Variants in EPHX3 observed in about 807,000 individuals in gnomAD.
EPHX3 encodes the protein abhydrolase domain containing 9.
A neutral mutation model predicts 40.2 loss-of-function variants in EPHX3; 39 were observed. That is an observed-to-expected ratio of 0.97 (90% CI 0.75 to 1.27). The LOEUF (loss-of-function observed/expected upper bound fraction) is 1.27. Ranked by LOEUF, EPHX3 falls within the 50% of genes most tolerant of loss-of-function variation. EPHX3 has a pLI of 0.00. For synonymous variants in EPHX3, 213 were observed against 209.7 expected, an observed-to-expected ratio of 1.02 and a Z score of -0.14; for missense variants, 442 against 474.0, an observed-to-expected ratio of 0.93 and a Z score of 0.63.
Position 15,227,092 on chromosome 19 carries a change from G to T in EPHX3, c.*345C>A. On this transcript the variant is annotated 3_prime_UTR_variant, in exon 7 of 7. Coordinates refer to ENST00000221730, the MANE Select transcript of EPHX3 (RefSeq NM_024794.3). The stretch of plus-strand genomic sequence containing the variant: ...AGGGTTTAAGGTCTGTGCAGCTATG[G>T]CAGAGAAGCGACTTTGGCAAAGCGC... The T allele has an allele frequency of 2.9e-6, 1 of 348,968 alleles. No individual in the cohort carries two copies. The highest frequency in any genetic ancestry group is 3.2e-5 in the South Asian group (1 of 31,100). The allele number at this position is 348,968 out of a possible 1,614,324, so 21.6% of individuals were successfully genotyped here. A position where few individuals can be genotyped will look rare whatever the true frequency, so the allele number is the denominator to read the frequency against.
In EPHX3 at chr19:15,227,635, C is replaced by T. The variant is rs200103307; in HGVS notation, c.885G>A (p.Leu295=). 3.7e-6 allele frequency: 6 copies of T among 1,614,078 alleles called. No individual in the cohort carries two copies. The highest frequency in any genetic ancestry group is 2.2e-5 in the South Asian group (2 of 91,072). The change falls in exon 7 of 7, where the codon CTG becomes CTA. Residue 295 remains leucine, a synonymous_variant. Transcript: ENST00000221730. ...CCCACAGCAGCAATGTGGGTGTGGT[C>T]AGCTCCTGGGGTTCCAGGGGGAAGT... ...FRNFPLEPQE[L]TTPTLLLWGE...
chr19:15,230,922 C>G (rs2047148414), intron 4 of EPHX3, 40 bp downstream of exon 4: 5 of 1,606,908 alleles, frequency 3.1e-6, no homozygotes, highest in Non-Finnish European at 4.3e-6. Context: ...TGCCCCCTTG[C>G]ACATAAGTAC....
Position 15,232,083 on chromosome 19 carries a change from C to G in EPHX3, c.129G>C (p.Ala43=), listed in dbSNP as rs201751885. 1.3e-6 allele frequency: 2 copies of G among 1,564,520 alleles called. No individual in the cohort carries two copies. The highest frequency in any genetic ancestry group is 1.3e-5 in the African/African-American group (1 of 74,450). The change falls in exon 1 of 7, where the codon GCG becomes GCC. Residue 43 remains alanine (A), a synonymous_variant. Transcript: ENST00000221730. The part of the protein sequence containing the change: ...LVAAAVYGCI[A]LTHVLCRPRR... ...GGGGCCGGCACAGCACGTGCGTGAGCGCTATGCAGCCGTAGACCGCCGCGG... is the reference window on the plus strand; with the variant it reads ...GGGGCCGGCACAGCACGTGCGTGAGGGCTATGCAGCCGTAGACCGCCGCGG...
rs371241833 is a variant in EPHX3 at position 15,232,000 on chromosome 19, G to T, written c.212C>A (p.Ser71Ter). The T allele has an allele frequency of 7.5e-6, 12 of 1,608,046 alleles. No homozygotes were observed. Among genetic ancestry groups the T allele is most frequent in the South Asian group, 1.1e-5 (1 of 90,978 alleles). Reference protein sequence around the residue: ...SASPACLSDPSLGEHGFLNLK... With the variant: ...SASPACLSDP ...GTTCAGGAAACCGTGCTCACCCAGC[G>T]AGGGGTCGCTCAGGCAGGCGGGGGA... Residue 71 changes from serine to a stop codon, truncating the protein, a stop_gained, in exon 1 of 7, where the codon TCG (serine) becomes TAG (stop). Coordinates refer to ENST00000221730, the MANE Select transcript of EPHX3 (RefSeq NM_024794.3). LOFTEE classifies it high-confidence loss of function.
rs529177714 is a variant in EPHX3, at chr19:15,232,013, G to A, written c.199C>T (p.Leu67=). 2 of 1,602,404 alleles carry A rather than the reference G, an allele frequency of 1.2e-6. No individual in the cohort carries two copies. Among genetic ancestry groups the A allele is most frequent in the African/African-American group, 2.7e-5 (2 of 74,994 alleles). The change falls in exon 1 of 7, where the codon CTG becomes TTG. Residue 67 remains leucine (L), a synonymous_variant. Transcript: ENST00000221730. Reference sequence around the variant, plus strand: ...TGCTCACCCAGCGAGGGGTCGCTCAGGCAGGCGGGGGACGCGCTCCGACGG... The same window carrying A: ...TGCTCACCCAGCGAGGGGTCGCTCAAGCAGGCGGGGGACGCGCTCCGACGG... The part of the protein sequence containing the change: ...GRRRSASPAC[L]SDPSLGEHGF...
At chr19:15,233,297 G>A (rs2047168196), upstream of EPHX3, 1 of 152,512 alleles carries the variant, frequency 6.6e-6, no homozygotes. Context: ...CGGTATTAGC[G>A]GCTGGAGGAG....
At chr19:15,230,935 C>A (rs758882005) in intron 4 of EPHX3, 27 bp downstream of exon 4, 84 of 1,611,812 alleles carry the variant, frequency 5.2e-5, no homozygotes, top group Non-Finnish European at 7.0e-5. Flanking sequence ...ATAAGTACAT[C>A]CCAGTGTCCC....
chr19:15,228,065 A>G lies in EPHX3; in HGVS notation c.652T>C (p.Ser218Pro). The change falls in exon 5 of 7, where the codon TCC becomes CCC. Residue 218 changes from serine (S) to proline (P), a missense_variant. Coordinates refer to ENST00000221730, the MANE Select transcript of EPHX3 (RefSeq NM_024794.3). ...AGCTGGAACAGGAACATGTAGTGGG[A>G]ACGGAAGAACTGGCTGATGTGGTGC... ...SLHHISQFFRSHYMFLFQLPW... is the reference protein window; with the variant it reads ...SLHHISQFFRPHYMFLFQLPW... The G allele has an allele frequency of 1.2e-6, 2 of 1,611,120 alleles. No individual in the cohort carries two copies. The highest frequency in any genetic ancestry group is 2.2e-5 in the South Asian group (2 of 91,020).
intron 2 of EPHX3, 118 bp from the exon 3 acceptor site, chr19:15,231,514 A>C (rs2047154236): frequency 7.5e-7 from 1 of 1,330,234 alleles, no homozygotes; most frequent in African/African-American, 1.5e-5. Flanking sequence ...CCCTAAAAGG[A>C]GGATGGGGAA....
Position 15,227,790 on chromosome 19 carries a change from A to G in EPHX3, c.838T>C (p.Tyr280His). 6 of 1,613,740 alleles carry G rather than the reference A, an allele frequency of 3.7e-6. No individual in the cohort carries two copies. The highest frequency in any genetic ancestry group is 5.1e-6 in the Non-Finnish European group (6 of 1,179,942). The change falls in exon 6 of 7, where the codon TAC (tyrosine) becomes CAC (histidine). Residue 280 changes from tyrosine (Y) to histidine (H), a missense_variant. Physicochemically the swap from Tyr to His is moderately conservative, Grantham distance 83. Transcript: ENST00000221730. ...TCTCACCTGAAGAGGTTTCGGTAGT[A>G]GTTGAGGGGCCCAGTGAGGCCACCA... ...QPGGLTGPLN[Y>H]YRNLFRNFPL...
chr19:15,233,245 G>C (rs1159802839), upstream of EPHX3: 1 of 152,380 alleles, frequency 6.6e-6, no homozygotes, highest in African/African-American at 2.4e-5. Context: ...CGAAGAAGAG[G>C]GACAGGCAAT....
intron 4 of EPHX3, 71 bp from the exon 5 acceptor site, chr19:15,228,171 C>T: frequency 1.6e-6 from 2 of 1,218,496 alleles, no homozygotes; most frequent in Non-Finnish European, 2.3e-6. Flanking sequence ...TGCACCCCTA[C>T]ACATACCCAG....
upstream of EPHX3, chr19:15,232,927 A>AG (rs1298090706): frequency 6.6e-6 from 1 of 150,580 alleles, no homozygotes; most frequent in East Asian, 2.0e-4. Flanking sequence ...AACCTTAAGG[A>AG]GGGGATCCTG....
rs746560346 is a variant in EPHX3 at position 15,230,977 on chromosome 19, TG to T, written c.600del (p.Met201CysfsTer42). 1 of 1,613,776 alleles carries T rather than the reference TG, an allele frequency of 6.2e-7. No homozygotes were observed. The highest frequency in any genetic ancestry group is 2.2e-5 in the East Asian group (1 of 44,878). ...CCACACACACCTTGGTACACCGACA[TG>T]GGGGCACCACTGACCACAACCATCC... ...VERMVVVSGA[P>X]MSVYQDYSLH... On this transcript the variant is annotated frameshift_variant, in exon 4 of 7. Transcript: ENST00000221730. LOFTEE classifies it high-confidence loss of function.
rs546876108 is a variant in EPHX3, at chr19:15,229,885, C to CAAAAAAAAAAAAAAAA, written c.616+1061_616+1076dup. On this transcript the variant is annotated intron_variant, in intron 4 of 6. Coordinates refer to ENST00000221730, the MANE Select transcript of EPHX3 (RefSeq NM_024794.3). ...CTGGCGACAGAGCAAGACTCTGTCT[C>CAAAAAAAAAAAAAAAA]AAAAAAAAAAAAAAAAAAAAAAAAA... Among the ~76,000 whole-genome samples the CAAAAAAAAAAAAAAAA allele has an allele frequency of 8.0e-3, 75 of 9,326 alleles. 3 individuals carry two copies. The highest frequency in any genetic ancestry group is 9.4e-3 in the African/African-American group (27 of 2,858). The allele number at this position is 9,326 out of a possible 152,430, so 6.1% of individuals were successfully genotyped here. A position where few individuals can be genotyped will look rare whatever the true frequency, so the allele number is the denominator to read the frequency against.
chr19:15,233,101 CGAA>C (rs893412634), upstream of EPHX3: 10 of 132,304 alleles, frequency 7.6e-5, no homozygotes, highest in African/African-American at 2.6e-4. Context: ...TAACATTGGG[CGAA>C]GAAGGCGGGA....
rs148609218 is a variant in EPHX3, at chr19:15,227,866, T to C, written c.762A>G (p.Pro254=). Residue 254 remains proline, a synonymous_variant, in exon 6 of 7, where the codon CCA becomes CCG. Coordinates refer to ENST00000221730, the MANE Select transcript of EPHX3 (RefSeq NM_024794.3). ...CCTCGAGCTCGCTGGGGGTCAAGCA[T>C]GGGATGCCTGTCTTGCGGTGGGTGA... is the stretch of plus-strand genomic sequence containing the variant. ...TTLTHRKTGI[P]CLTPSELEAF... The C allele has an allele frequency of 2.7e-4, 434 of 1,614,058 alleles. No individual in the cohort carries two copies. The highest frequency in any genetic ancestry group is 3.3e-4 in the Non-Finnish European group (394 of 1,180,020).
chr19:15,228,993 G>GA (rs1291446367), intron 4 of EPHX3, among the ~76,000 whole-genome samples: 3 of 150,220 alleles, frequency 2.0e-5, no homozygotes, highest in Non-Finnish European at 3.0e-5. Context: ...TGTCTCAAAG[G>GA]AAAAAAAACA....
At position 15,231,816 on chromosome 19, in the gene EPHX3, C is replaced by T. The variant is rs770372220; in HGVS notation, c.289G>A (p.Gly97Arg). The T allele has an allele frequency of 7.4e-6, 12 of 1,613,796 alleles. No individual in the cohort carries two copies. Among genetic ancestry groups the T allele is most frequent in the Non-Finnish European group, 9.3e-6 (11 of 1,180,022 alleles). Residue 97 changes from glycine (G) to arginine (R), a missense_variant, in exon 2 of 7, where the codon GGA becomes AGA. Transcript: ENST00000221730. ...LHYVSAGRGN[G>R]PLMLFLHGFP... ...CCGTGCAGAAACAGCATGAGGGGTC[C>T]GTTACCTCGTCCAGCCGAGACATAG...
Sources: gnomAD v4.1 joint callset for allele counts (sites outside exome capture counted in the v4.1 genomes callset) on GRCh38, gnomAD v4.1.1 for gene constraint, MANE v1.5 for transcripts, NCBI Gene and HGNC (gene_info 2026-07-23, HGNC 2026-07-21) for gene names.